The following GLIS3 variants were observed in gnomAD, a reference collection of about 807,000 sequenced individuals.
GLIS3 encodes zinc finger protein GLIS3.
In GLIS3, 53 loss-of-function variants were observed where a neutral mutation model predicts 78.6. The ratio of observed to expected loss-of-function variants is 0.67; its 90% CI spans 0.54 to 0.85. GLIS3 has a LOEUF of 0.85. Among genes scored for constraint, GLIS3 ranks in the 40% least tolerant of loss-of-function variants. The probability of loss-of-function intolerance (pLI) is 0.00; values close to 1 mark genes in which losing one functional copy is unlikely to be tolerated. For missense variants in GLIS3, 1,703 were observed against 1,231.1 expected, an observed-to-expected ratio of 1.38 and a Z score of -5.74; for synonymous variants, 684 against 509.9, an observed-to-expected ratio of 1.34 and a Z score of -4.60.
chr9:4,038,196 G>C (rs111258856), intron 4 of GLIS3, among the ~76,000 whole-genome samples: 4,081 of 152,142 alleles, frequency 0.027, 173 homozygotes, highest in African/African-American at 0.09. Context: ...GTTTTATTTG[G>C]GGATGATTAG....
chr9:4,062,521 T>A (rs936535184), intron 4 of GLIS3, among the ~76,000 whole-genome samples: 1 of 152,224 alleles, frequency 6.6e-6, no homozygotes, highest in East Asian at 1.9e-4. Context: ...ATTTGCTGTA[T>A]GATCTAGGTT....
intron 4 of GLIS3, 143 bp from the exon 5 acceptor site, chr9:3,937,332 C>G (rs1282830283): frequency 2.5e-6 from 2 of 808,390 alleles, no homozygotes; most frequent in African/African-American, 3.5e-5. Flanking sequence ...ATAAATATTG[C>G]TCCTAAAAAT....
At chr9:4,270,302 A>G (rs1433342767) in intron 2 of GLIS3, among the ~76,000 whole-genome samples, 2 of 152,236 alleles carry the variant, frequency 1.3e-5, no homozygotes, top group East Asian at 1.9e-4. Flanking sequence ...AGCCCAGACA[A>G]TAACTGTACT....
intron 6 of GLIS3, among the ~76,000 whole-genome samples, chr9:3,899,256 T>G (rs1281462380): frequency 1.3e-5 from 2 of 152,180 alleles, no homozygotes; most frequent in African/African-American, 4.8e-5. Context: ...AAATGCCCAT[T>G]GAGATTTAAC....
chr9:4,014,681 T>C (rs1051037119), intron 4 of GLIS3, among the ~76,000 whole-genome samples: 2 of 152,192 alleles, frequency 1.3e-5, no homozygotes, highest in Non-Finnish European at 2.9e-5. Context: ...GCCTGTGAAC[T>C]GAAAGAGAAT....
At chr9:4,024,949 G>C (rs556532243) in intron 4 of GLIS3, among the ~76,000 whole-genome samples, 5 of 152,252 alleles carry the variant, frequency 3.3e-5, no homozygotes, top group Middle Eastern at 3.4e-3. Context: ...ACAGTGAGGA[G>C]TAATAGAACA....
At chr9:4,254,815 G>T (rs192391717) in intron 2 of GLIS3, among the ~76,000 whole-genome samples, 9 of 150,776 alleles carry the variant, frequency 6.0e-5, no homozygotes. Flanking sequence ...ACTCCAGCCT[G>T]GCCAACAGAG....
the GLIS3 span, among the ~76,000 whole-genome samples, chr9:4,481,906 T>C: frequency 6.6e-6 from 1 of 152,248 alleles, no homozygotes; most frequent in African/African-American, 2.4e-5. Context: ...ATACCTTCTC[T>C]AAGTTTACAA....
At chr9:4,206,988 T>A (rs1423850066) in intron 2 of GLIS3, among the ~76,000 whole-genome samples, 1 of 152,180 alleles carries the variant, frequency 6.6e-6, no homozygotes, top group Non-Finnish European at 1.5e-5. Context: ...CAAATACATA[T>A]TTTGTAGAGC....
At chr9:3,970,647 C>G (rs1186678085) in intron 4 of GLIS3, among the ~76,000 whole-genome samples, 1 of 152,136 alleles carries the variant, frequency 6.6e-6, no homozygotes, top group Non-Finnish European at 1.5e-5. Flanking sequence ...GGTTGAGAAG[C>G]CCTATCCTAT....
intron 2 of GLIS3, among the ~76,000 whole-genome samples, chr9:4,210,746 T>TGGGGCTGCAGGCCCC (rs1820303296): frequency 1.3e-5 from 2 of 152,366 alleles, no homozygotes; most frequent in South Asian, 4.1e-4. Flanking sequence ...CCACTGGCTG[T>TGGGGCTGCAGGCCCC]ACGCTTCGAT....
chr9:4,236,430 T>C (rs1822760714), intron 2 of GLIS3, among the ~76,000 whole-genome samples: 2 of 152,178 alleles, frequency 1.3e-5, no homozygotes. Flanking sequence ...GTATTTCCCT[T>C]TTCCTCCCTT....
chr9:4,453,690 C>T, the GLIS3 span, among the ~76,000 whole-genome samples: 234 of 152,266 alleles, frequency 1.5e-3, 2 homozygotes, highest in Non-Finnish European at 2.0e-3. Context: ...GAGTTCATGT[C>T]CTTTGCAGGG....
intron 2 of GLIS3, among the ~76,000 whole-genome samples, chr9:4,160,186 C>T (rs558560875): frequency 6.6e-6 from 1 of 152,346 alleles, no homozygotes; most frequent in South Asian, 2.1e-4. Context: ...TTCCTCATTA[C>T]AGGCATAGTA....
intron 2 of GLIS3, among the ~76,000 whole-genome samples, chr9:4,335,691 T>C (rs1280193020): frequency 1.3e-5 from 2 of 152,146 alleles, no homozygotes; most frequent in Non-Finnish European, 2.9e-5. Context: ...AGTTTAAACC[T>C]GAAACATCAG....
chr9:4,120,735 A>G (rs1388140418), intron 3 of GLIS3, among the ~76,000 whole-genome samples: 3 of 152,250 alleles, frequency 2.0e-5, no homozygotes, highest in Non-Finnish European at 4.4e-5. Flanking sequence ...TGGCAGAGCT[A>G]CATGCCTGAA....
chr9:3,924,602 G>C (rs919803703), intron 6 of GLIS3, among the ~76,000 whole-genome samples: 8 of 152,138 alleles, frequency 5.3e-5, no homozygotes, highest in Non-Finnish European at 1.2e-4. Flanking sequence ...AGAGAGCCAA[G>C]ATACAAACAA....
At chr9:3,867,149 C>G (rs1820640199) in intron 8 of GLIS3, among the ~76,000 whole-genome samples, 1 of 152,242 alleles carries the variant, frequency 6.6e-6, no homozygotes, top group South Asian at 2.1e-4. Context: ...TGATTTTTCT[C>G]CATTATCAAG....
Position 3,996,814 on chromosome 9 carries a change from A to G in GLIS3, c.1711-59625T>C, listed in dbSNP as rs865845464. On this transcript the variant is annotated intron_variant, in intron 4 of 10. Coordinates refer to ENST00000381971, the MANE Select transcript of GLIS3 (RefSeq NM_001042413.2). ...GCTAATAAAGAAAAAGAAAGATGAC[A>G]TGTGTTAATAATAATAGGAATGAAA... 9.3e-4 allele frequency among the ~76,000 whole-genome samples: 142 copies of G among 152,356 alleles called. 1 individual carries two copies. Among genetic ancestry groups the G allele is most frequent in the African/African-American group, 3.3e-3 (136 of 41,594 alleles).
Sources: allele counts gnomAD v4.1 joint callset (sites outside exome capture counted in the v4.1 genomes callset), GRCh38; gene constraint gnomAD v4.1.1; transcripts MANE v1.5; gene names NCBI Gene and HGNC (gene_info 2026-07-23, HGNC 2026-07-21).